The following NEO1 variants were observed in gnomAD, a reference collection of about 807,000 sequenced individuals.
The protein encoded by NEO1 is neogenin 1, also known as neogenin.
Under a neutral mutation model 159.7 loss-of-function variants are expected in NEO1, and 63 were observed. That is an observed-to-expected ratio of 0.39 (90% CI 0.32 to 0.49). NEO1 has a LOEUF of 0.49. NEO1 is among the 20% of genes least tolerant of loss of function. The probability of loss-of-function intolerance (pLI) is 0.85; values close to 1 mark genes in which losing one functional copy is unlikely to be tolerated. For synonymous variants in NEO1, 633 were observed against 662.0 expected (o/e 0.96, Z 0.67); for missense variants, 1,615 against 1,831.0 (o/e 0.88, Z 2.15).
chr15:73,144,962 A>G (rs1041483743), intron 5 of NEO1, among the ~76,000 whole-genome samples: 6 of 152,028 alleles, frequency 3.9e-5, no homozygotes, highest in African/African-American at 1.2e-4. Context: ...TCTCTTACCT[A>G]TATTACTGCA....
intron 5 of NEO1, among the ~76,000 whole-genome samples, chr15:73,146,205 G>A (rs983330271): frequency 2.0e-5 from 3 of 152,054 alleles, no homozygotes; most frequent in Non-Finnish European, 4.4e-5. Flanking sequence ...TTTGTATCCA[G>A]TTTCTACCCT....
intron 5 of NEO1, among the ~76,000 whole-genome samples, chr15:73,137,463 C>T (rs2031891150): frequency 6.6e-6 from 1 of 152,010 alleles, no homozygotes; most frequent in African/African-American, 2.4e-5. Context: ...TTTTTTGAGA[C>T]AGGGTCTCCC....
intron 16 of NEO1, 119 bp downstream of exon 16, chr15:73,266,530 C>A: frequency 1.6e-6 from 1 of 624,094 alleles, no homozygotes; most frequent in Non-Finnish European, 2.6e-6. Flanking sequence ...GTTTCGGGTG[C>A]TGACTTCAAA....
chr15:73,268,765 C>G (rs796232654), intron 16 of NEO1, among the ~76,000 whole-genome samples: 9 of 152,274 alleles, frequency 5.9e-5, no homozygotes, highest in African/African-American at 2.2e-4. Context: ...CTGTATTGCC[C>G]TGGGCCCATG....
At chr15:73,206,844 TGTGC>T (rs544648614) in intron 7 of NEO1, among the ~76,000 whole-genome samples, 138 of 131,590 alleles carry the variant, frequency 1.0e-3, no homozygotes, top group African/African-American at 3.4e-3. Flanking sequence ...TATGTGTGTG[TGTGC>T]GTGTGTGTGT....
At chr15:73,266,435 T>C in intron 16 of NEO1, 24 bp downstream of exon 16, 2 of 1,558,294 alleles carry the variant, frequency 1.3e-6, no homozygotes, top group Non-Finnish European at 1.8e-6. Context: ...TCTTTCCTAG[T>C]CTCCAGCACT....
chr15:73,136,101 A>T, intron 5 of NEO1, 74 bp downstream of exon 5: 6 of 1,369,568 alleles, frequency 4.4e-6, no homozygotes, highest in African/African-American at 1.5e-5. Flanking sequence ...AGAAATATTA[A>T]CATGGGCGAG....
chr15:73,166,956 T>G (rs897433384), intron 5 of NEO1, among the ~76,000 whole-genome samples: 13 of 151,812 alleles, frequency 8.6e-5, no homozygotes, highest in Non-Finnish European at 1.9e-4. Context: ...TAAAAAAGGA[T>G]GAGTTCATGT....
intron 7 of NEO1, among the ~76,000 whole-genome samples, chr15:73,205,565 GC>G (rs1401837965): frequency 6.6e-6 from 1 of 152,098 alleles, no homozygotes; most frequent in Non-Finnish European, 1.5e-5. Flanking sequence ...TAAGACTGTG[GC>G]CCCCAGGATT....
At chr15:73,169,831 T>C (rs2034834935) in intron 5 of NEO1, among the ~76,000 whole-genome samples, 1 of 151,972 alleles carries the variant, frequency 6.6e-6, no homozygotes, top group African/African-American at 2.4e-5. Context: ...TAGTATGCTA[T>C]CATTTATAAT....
intron 11 of NEO1, among the ~76,000 whole-genome samples, chr15:73,251,785 C>T (rs1167672553): frequency 2.6e-5 from 4 of 152,088 alleles, no homozygotes; most frequent in Non-Finnish European, 2.9e-5. Context: ...ATCTTGGTTC[C>T]GATGCCAGGT....
chr15:73,063,653 GT>G (rs869128803), intron 1 of NEO1, among the ~76,000 whole-genome samples: 4 of 137,520 alleles, frequency 2.9e-5, no homozygotes, highest in African/African-American at 1.1e-4. Flanking sequence ...TTGTTTGTTT[GT>G]TTTTTGGCCA....
At chr15:73,145,798 C>A (rs902760784) in intron 5 of NEO1, among the ~76,000 whole-genome samples, 2 of 152,138 alleles carry the variant, frequency 1.3e-5, no homozygotes, top group Non-Finnish European at 2.9e-5. Flanking sequence ...GTATCTTCCT[C>A]TTGAGGCCTT....
chr15:73,176,502 T>C lies in NEO1; in HGVS notation c.1115T>C (p.Val372Ala), dbSNP rs1226517610. The C allele has an allele frequency of 6.2e-7, 1 of 1,611,910 alleles. No individual in the cohort carries two copies. Among genetic ancestry groups the C allele is most frequent in the African/African-American group, 1.3e-5 (1 of 74,856 alleles). The stretch of plus-strand genomic sequence containing the variant: ...GTGACTGGAAAACCAACTCCAACTG[T>C]GAAGTGGGTCAAAAATGGGGATATG... ...CEVTGKPTPT[V>A]KWVKNGDMVI... Residue 372 changes from valine (V) to alanine (A), a missense_variant, in exon 6 of 29, where the codon GTG becomes GCG. Transcript: ENST00000261908.
chr15:73,053,907 C>G (rs2067579997), intron 1 of NEO1, among the ~76,000 whole-genome samples: 1 of 152,194 alleles, frequency 6.6e-6, no homozygotes, highest in Admixed American at 6.5e-5. Context: ...TTTAAAATCA[C>G]ACTGCAAGGT....
In NEO1 at chr15:73,236,226, T is replaced by C. The variant is rs2150855476; in HGVS notation, c.1292-121T>C. 6.6e-6 allele frequency: 9 copies of C among 1,366,582 alleles called. No individual in the cohort carries two copies. In the East Asian group the frequency reaches 1.6e-4, roughly 25 times the overall value. The allele number at this position is 1,366,582 out of a possible 1,614,324, so 84.7% of individuals were successfully genotyped here. On this transcript the variant is annotated intron_variant, in intron 7 of 28. Coordinates refer to ENST00000261908, the MANE Select transcript of NEO1 (RefSeq NM_002499.4). ...CTTTTTTGTTTTTTGTTTTTTCTGT[T>C]CTCTTTTTTAAAACCGTCGTGGTTT... is the stretch of plus-strand genomic sequence containing the variant.
chr15:73,105,304 G>T (rs759539141), intron 1 of NEO1, among the ~76,000 whole-genome samples: 1 of 152,154 alleles, frequency 6.6e-6, no homozygotes, highest in African/African-American at 2.4e-5. Flanking sequence ...TTTCTGGGCA[G>T]GGCATTGGAT....
At position 73,301,341 on chromosome 15, in the gene NEO1, T is replaced by G. The variant is rs769211407; in HGVS notation, c.4186T>G (p.Ser1396Ala). Residue 1396 changes from serine (S) to alanine (A), a missense_variant, in exon 28 of 29, where the codon TCA becomes GCA. By Grantham distance (99) the Ser-to-Ala change is moderately conservative (BLOSUM62 1). Around this residue, in one of 3 missense-constraint regions of NEO1, gnomAD observed 471 missense variants for 498.9 expected, o/e 0.94. Coordinates refer to ENST00000261908, the MANE Select transcript of NEO1 (RefSeq NM_002499.4). ...SQQALNHHIHSVKTASIGTLG... is the reference protein window; with the variant it reads ...SQQALNHHIHAVKTASIGTLG... Reference sequence around the variant, plus strand: ...CTCAGCTCTGAACCATCACATTCACTCAGTGAAGACAGCCTCCATCGGGAC... The same window carrying G: ...CTCAGCTCTGAACCATCACATTCACGCAGTGAAGACAGCCTCCATCGGGAC... 6.2e-7 allele frequency: 1 copy of G among 1,614,100 alleles called. No individual in the cohort carries two copies. Among genetic ancestry groups the G allele is most frequent in the Non-Finnish European group, 8.5e-7 (1 of 1,180,014 alleles).
chr15:73,286,166 T>A (rs1180402086), intron 23 of NEO1, among the ~76,000 whole-genome samples: 1 of 148,794 alleles, frequency 6.7e-6, no homozygotes, highest in Non-Finnish European at 1.5e-5. Context: ...TATACTCTTA[T>A]GTCTGTTCAC....
Sources: allele counts gnomAD v4.1 joint callset (sites outside exome capture counted in the v4.1 genomes callset), GRCh38; gene constraint gnomAD v4.1.1; regional missense constraint gnomAD v4.1.1; transcripts MANE v1.5; gene names NCBI Gene and HGNC (gene_info 2026-07-23, HGNC 2026-07-21).